MOV10L1: variants seen among roughly 807,000 people sequenced by gnomAD.
MOV10L1 encodes the protein RNA helicase Mov10l1.
A neutral mutation model predicts 143.8 loss-of-function variants in MOV10L1; 110 were observed. That is an observed-to-expected ratio of 0.76 (90% CI 0.66 to 0.90). The LOEUF (loss-of-function observed/expected upper bound fraction) is 0.90, where lower values mean the gene tolerates loss of function less well. MOV10L1 is among the 40% of genes least tolerant of loss of function. The pLI, the probability that MOV10L1 is intolerant of heterozygous loss-of-function variation, is 0.00. For synonymous variants in MOV10L1, 593 were observed against 581.1 expected (o/e 1.02, Z -0.29); for missense variants, 1,406 against 1,526.8 (o/e 0.92, Z 1.32).
Position 50,160,778 on chromosome 22 carries a change from C to T in MOV10L1, c.3415C>T (p.Pro1139Ser). The T allele has an allele frequency of 1.2e-6, 2 of 1,614,036 alleles. No homozygotes were observed. The highest frequency in any genetic ancestry group is 2.7e-5 in the African/African-American group (2 of 74,998). Reference protein sequence around the residue: ...SKRFNVAITRPKALLIVLGNP... With the variant: ...SKRFNVAITRSKALLIVLGNP... ...AAGATTTAATGTTGCAATCACCAGA[C>T]CCAAAGCTTTGCTGATAGTGCTGGG... The change falls in exon 25 of 27, where the codon CCC becomes TCC. Residue 1139 changes from proline (P) to serine (S), a missense_variant. Pro to Ser is a moderately conservative substitution (Grantham distance 74). This residue lies in a region of MOV10L1 where 1,233 missense variants were observed against 1,351.4 expected (regional missense o/e 0.91). Coordinates refer to ENST00000262794, the MANE Select transcript of MOV10L1 (RefSeq NM_018995.3).
At chr22:50,111,782 C>T (rs1268764650) in intron 5 of MOV10L1, among the ~76,000 whole-genome samples, 8 of 152,170 alleles carry the variant, frequency 5.3e-5, no homozygotes, top group Non-Finnish European at 1.5e-5. Flanking sequence ...GGATTACAGG[C>T]GTGAGCCACC....
chr22:50,128,037 G>A (rs1201274891), intron 12 of MOV10L1, among the ~76,000 whole-genome samples: 1 of 152,142 alleles, frequency 6.6e-6, no homozygotes, highest in Non-Finnish European at 1.5e-5. Context: ...CTCCCAAAGT[G>A]CTGGGATTAC....
chr22:50,094,356 A>G (rs1318858309), intron 2 of MOV10L1: 1 of 146,014 alleles, frequency 6.8e-6, no homozygotes, highest in Non-Finnish European at 1.5e-5. Context: ...TTTCCATCGT[A>G]TTTTCAAATT....
In MOV10L1 at chr22:50,161,631, C is replaced by G; in HGVS notation, c.*182C>G. 1.7e-6 allele frequency: 1 copy of G among 579,438 alleles called. No individual in the cohort carries two copies. The highest frequency in any genetic ancestry group is 2.3e-5 in the South Asian group (1 of 43,158). The allele number at this position is 579,438 out of a possible 1,614,324, so 35.9% of individuals were successfully genotyped here. A position where few individuals can be genotyped will look rare whatever the true frequency, so the allele number is the denominator to read the frequency against. ...TGACTTTGGCATATGCCAGCCTGTT[C>G]CTGCCACAGGGCAGTCACTGCCGCC... On this transcript the variant is annotated 3_prime_UTR_variant, in exon 27 of 27. Coordinates refer to ENST00000262794, the MANE Select transcript of MOV10L1 (RefSeq NM_018995.3).
intron 3 of MOV10L1, among the ~76,000 whole-genome samples, chr22:50,100,382 A>G (rs969783273): frequency 6.6e-6 from 1 of 152,168 alleles, no homozygotes; most frequent in African/African-American, 2.4e-5. Flanking sequence ...GCTTCCATAT[A>G]ATTATAGTGT....
Position 50,126,279 on chromosome 22 carries a change from G to A in MOV10L1, c.1818+7G>A. The A allele has an allele frequency of 6.2e-7, 1 of 1,605,104 alleles. No homozygotes were observed. Among genetic ancestry groups the A allele is most frequent in the Non-Finnish European group, 8.5e-7 (1 of 1,171,868 alleles). On this transcript the variant is annotated splice_region_variant and intron_variant, in intron 12 of 26. Coordinates refer to ENST00000262794, the MANE Select transcript of MOV10L1 (RefSeq NM_018995.3). ...CATCAGCTACGTGACTGAGGTGAGA[G>A]CACTCTCTCTTAATGAGTTTGTGTT...
rs1441319561 is a variant in MOV10L1 at position 50,161,381 on chromosome 22, G to T, written c.3568G>T (p.Val1190Leu). The T allele has an allele frequency of 2.6e-5, 42 of 1,599,048 alleles. No homozygotes were observed. Among genetic ancestry groups the T allele is most frequent in the Non-Finnish European group, 3.5e-5 (41 of 1,173,132 alleles). The change falls in exon 27 of 27, where the codon GTG becomes TTG. Residue 1190 changes from valine to leucine, a missense_variant. Physicochemically the swap from Val to Leu is conservative, Grantham distance 32. Around this residue, in one of 3 missense-constraint regions of MOV10L1, gnomAD observed 1,233 missense variants for 1,351.4 expected, o/e 0.91. Transcript: ENST00000262794. ...CTCTGTCTACAGCTGTGGCGAGGGG[G>T]TGGCAGACCCCTCCTACCCAGTGGT... ...LQSLQNCGEG[V>L]ADPSYPVVPE...
intron 3 of MOV10L1, among the ~76,000 whole-genome samples, chr22:50,100,802 G>T (rs1247080081): frequency 6.6e-6 from 1 of 152,194 alleles, no homozygotes; most frequent in African/African-American, 2.4e-5. Flanking sequence ...ACCACTCCCG[G>T]CTTTATATAT....
chr22:50,125,433 G>A lies in MOV10L1; in HGVS notation c.1611G>A (p.Leu537=), dbSNP rs2062470158. 8.1e-6 allele frequency: 13 copies of A among 1,614,220 alleles called. No homozygotes were observed. Among genetic ancestry groups the A allele is most frequent in the African/African-American group, 2.7e-5 (2 of 75,068 alleles). The change falls in exon 11 of 27, where the codon TTG becomes TTA. Residue 537 remains leucine (L), a synonymous_variant. Transcript: ENST00000262794. ...MSNYKEKFST[L]LWLEEIYAEM... ...ATTACAAGGAGAAGTTTTCGACTTTGCTGTGGCTTGAGGAGATTTATGCAG... is the reference window on the plus strand; with the variant it reads ...ATTACAAGGAGAAGTTTTCGACTTTACTGTGGCTTGAGGAGATTTATGCAG...
intron 3 of MOV10L1, among the ~76,000 whole-genome samples, chr22:50,101,142 G>T (rs1174932861): frequency 2.0e-5 from 3 of 152,094 alleles, no homozygotes; most frequent in Admixed American, 6.5e-5. Context: ...GGGGGTGGGA[G>T]GTCTGGGGGG....
At chr22:50,120,402 C>T in intron 9 of MOV10L1, 100 bp from the exon 10 acceptor site, 1 of 753,970 alleles carries the variant, frequency 1.3e-6, no homozygotes. Context: ...AATGGATGGA[C>T]TTTGGTCTTC....
Position 50,159,617 on chromosome 22 carries a change from A to G in MOV10L1, c.3217-61A>G. 8.3e-7 allele frequency: 1 copy of G among 1,204,834 alleles called. No individual in the cohort carries two copies. Among genetic ancestry groups the G allele is most frequent in the South Asian group, 1.4e-5 (1 of 71,120 alleles). The allele number at this position is 1,204,834 out of a possible 1,614,324, so 74.6% of individuals were successfully genotyped here. A position where few individuals can be genotyped will look rare whatever the true frequency, so the allele number is the denominator to read the frequency against. On this transcript the variant is annotated intron_variant, in intron 23 of 26. Coordinates refer to ENST00000262794, the MANE Select transcript of MOV10L1 (RefSeq NM_018995.3). This position sits in a 1 kb window ranked among gnomAD's most constrained non-coding sequence, Gnocchi z 4.1. ...ACTCCATCTCAAAAAAAAAAAAGGA[A>G]AAGAAAAGAAATGGATTTGTACAGT...
chr22:50,148,172 T>G (rs1320431094), intron 19 of MOV10L1, among the ~76,000 whole-genome samples: 3 of 152,196 alleles, frequency 2.0e-5, no homozygotes, highest in African/African-American at 7.2e-5. Flanking sequence ...CTGTTGAGTG[T>G]TGGCGTGGCT....
At chr22:50,141,316 G>C (rs940950229) in intron 15 of MOV10L1, among the ~76,000 whole-genome samples, 2 of 151,406 alleles carry the variant, frequency 1.3e-5, no homozygotes, top group African/African-American at 4.8e-5. Flanking sequence ...GATTATAGGC[G>C]TGAGCCACTG....
At chr22:50,142,878 C>T (rs563984971) in intron 16 of MOV10L1, among the ~76,000 whole-genome samples, 165 bp from the exon 17 acceptor site, 115 of 152,120 alleles carry the variant, frequency 7.6e-4, no homozygotes, top group African/African-American at 2.7e-3. Context: ...AAGAGGAATG[C>T]CCTGTGCGCA....
In MOV10L1 at chr22:50,142,078, T is replaced by C; in HGVS notation, c.2071-3T>C. The C allele has an allele frequency of 6.2e-7, 1 of 1,605,990 alleles. No individual in the cohort carries two copies. The highest frequency in any genetic ancestry group is 8.5e-7 in the Non-Finnish European group (1 of 1,177,650). On this transcript the variant is annotated splice_polypyrimidine_tract_variant and splice_region_variant and intron_variant, in intron 15 of 26. Transcript: ENST00000262794. ...AAACATTTTTCTGCCTGATAATTTC[T>C]AGAATAGGAAAACAATGACGGACCA... is the stretch of plus-strand genomic sequence containing the variant.
intron 19 of MOV10L1, among the ~76,000 whole-genome samples, chr22:50,147,861 A>T (rs1219128720): frequency 1.3e-5 from 2 of 152,218 alleles, no homozygotes; most frequent in Non-Finnish European, 1.5e-5. Context: ...TTTCACTGGG[A>T]GGGGTTCACG....
intron 22 of MOV10L1, among the ~76,000 whole-genome samples, chr22:50,156,279 C>T (rs1158565236): frequency 6.6e-6 from 1 of 151,950 alleles, no homozygotes; most frequent in Non-Finnish European, 1.5e-5. Flanking sequence ...CCACGCCCAG[C>T]TAATTTTTGT....
intron 5 of MOV10L1, among the ~76,000 whole-genome samples, 164 bp downstream of exon 5, chr22:50,109,008 G>A (rs1396728836): frequency 6.6e-6 from 1 of 152,160 alleles, no homozygotes; most frequent in Non-Finnish European, 1.5e-5. Flanking sequence ...GCTGGGCGTG[G>A]TGGTGCTCGC....
Sources: gnomAD v4.1 joint callset for allele counts (sites outside exome capture counted in the v4.1 genomes callset) on GRCh38, gnomAD v4.1.1 for gene constraint, gnomAD v4.1.1 regional missense constraint, Gnocchi (gnomAD v3.1) non-coding constraint, MANE v1.5 for transcripts, NCBI Gene and HGNC (gene_info 2026-07-23, HGNC 2026-07-21) for gene names.